The following MAP2 variants were observed in gnomAD, a reference collection of about 807,000 sequenced individuals.
MAP2 encodes microtubule-associated protein 2.
Under a neutral mutation model 137.6 loss-of-function variants are expected in MAP2, and 14 were observed. The observed-to-expected ratio is 0.10, with a 90% CI of 0.07 to 0.16. The LOEUF is 0.16. Among genes scored for constraint, MAP2 ranks in the 10% least tolerant of loss-of-function variants. The probability of loss-of-function intolerance (pLI) is 1.00; values close to 1 mark genes in which losing one functional copy is unlikely to be tolerated. For synonymous variants in MAP2, 786 were observed against 782.3 expected, an observed-to-expected ratio of 1.00 and a Z score of -0.08; for missense variants, 2,088 against 2,191.5, an observed-to-expected ratio of 0.95 and a Z score of 0.94.
chr2:209,637,243 G>T (rs2093645224), intron 4 of MAP2, among the ~76,000 whole-genome samples: 1 of 152,082 alleles, frequency 6.6e-6, no homozygotes, highest in Non-Finnish European at 1.5e-5. Flanking sequence ...AGGAATTCAA[G>T]ACCACCCTAG....
rs142320012 is a variant in MAP2 at position 209,689,684 on chromosome 2, C to T, written c.455-2941C>T. 3.9e-3 allele frequency among the ~76,000 whole-genome samples: 590 copies of T among 152,054 alleles called. 7 individuals carry two copies. Among genetic ancestry groups the T allele is most frequent in the Non-Finnish European group, 4.9e-3 (330 of 67,970 alleles). Reference sequence around the variant, plus strand: ...TTTGATTGCCACTCAATTATCTTTCCTTGGTGATTTTGTTTTGAATTACAG... The same window carrying T: ...TTTGATTGCCACTCAATTATCTTTCTTTGGTGATTTTGTTTTGAATTACAG... On this transcript the variant is annotated intron_variant, in intron 7 of 15. Coordinates refer to ENST00000682079, the MANE Select transcript of MAP2 (RefSeq NM_001375505.1).
intron 5 of MAP2, among the ~76,000 whole-genome samples, chr2:209,670,697 A>G (rs1007050911): frequency 6.6e-6 from 1 of 151,916 alleles, no homozygotes; most frequent in Non-Finnish European, 1.5e-5. Context: ...GAGAGGGAGA[A>G]TTCTCCTATG....
chr2:209,453,494 A>G (rs1306756835), intron 1 of MAP2, among the ~76,000 whole-genome samples: 1 of 152,214 alleles, frequency 6.6e-6, no homozygotes. Context: ...TAACAATGCA[A>G]CATAACGACT....
intron 1 of MAP2, among the ~76,000 whole-genome samples, chr2:209,438,203 T>A (rs574562713): frequency 8.6e-5 from 13 of 151,750 alleles, no homozygotes; most frequent in African/African-American, 2.9e-4. Context: ...AGAAAAAAAT[T>A]CGTATTTTAT....
At position 209,424,171 on chromosome 2, in the gene MAP2, C is replaced by G. The variant is rs1691871942; in HGVS notation, c.-327C>G. 1 of 154,582 alleles carries G rather than the reference C, an allele frequency of 6.5e-6. No homozygotes were observed. Among genetic ancestry groups the G allele is most frequent in the African/African-American group, 2.4e-5 (1 of 41,608 alleles). The allele number at this position is 154,582 out of a possible 1,614,324, so 9.6% of individuals were successfully genotyped here. A position where few individuals can be genotyped will look rare whatever the true frequency, so the allele number is the denominator to read the frequency against. On this transcript the variant is annotated 5_prime_UTR_variant, in exon 1 of 16. Coordinates refer to ENST00000682079, the MANE Select transcript of MAP2 (RefSeq NM_001375505.1). ...CTTCTCCTTCTTTTTCCCCCCCCTC[C>G]CCTTCTTCCCCTAACCCTTCTACCC...
rs3036677 is a variant in MAP2 at position 209,679,322 on chromosome 2, CATAGATAGATAGATAGATAGATAG to C, written c.376+658_376+681del. On this transcript the variant is annotated intron_variant, in intron 6 of 15. Coordinates refer to ENST00000682079, the MANE Select transcript of MAP2 (RefSeq NM_001375505.1). Reference sequence around the variant, plus strand: ...CAGCCAAAGCCTTGCTGCCCCTACTCATAGATAGATAGATAGATAGATAGATAGATAGATAGATAGATAGGCAGA... The same window carrying C: ...CAGCCAAAGCCTTGCTGCCCCTACTCATAGATAGATAGATAGATAGGCAGA... Among the ~76,000 whole-genome samples the C allele has an allele frequency of 3.2e-4, 48 of 148,534 alleles. 1 individual carries two copies. The East Asian group carries it at 9.1e-3, about 28-fold the overall frequency.
intron 13 of MAP2, among the ~76,000 whole-genome samples, chr2:209,718,989 A>C (rs1167151534): frequency 6.6e-6 from 1 of 152,202 alleles, no homozygotes; most frequent in Non-Finnish European, 1.5e-5. Context: ...TATAGAGGCG[A>C]AATAGTTTTC....
intron 5 of MAP2, among the ~76,000 whole-genome samples, chr2:209,676,688 A>G (rs1368188643): frequency 7.0e-6 from 1 of 142,114 alleles, no homozygotes; most frequent in East Asian, 2.1e-4. Context: ...GCTAATAGAA[A>G]GATGCAGGAA....
chr2:209,484,281 G>A (rs187204545), intron 1 of MAP2, among the ~76,000 whole-genome samples: 97 of 152,194 alleles, frequency 6.4e-4, no homozygotes, highest in African/African-American at 2.3e-3. Flanking sequence ...GGTGGTCAGT[G>A]GTTTATATTT....
chr2:209,503,093 G>A (rs1006926656), intron 1 of MAP2, among the ~76,000 whole-genome samples: 2 of 148,332 alleles, frequency 1.3e-5, no homozygotes, highest in South Asian at 4.2e-4. Context: ...TCAATTTCCT[G>A]GGCTCAATCA....
At chr2:209,689,841 A>T (rs1028054811) in intron 7 of MAP2, among the ~76,000 whole-genome samples, 2 of 152,208 alleles carry the variant, frequency 1.3e-5, no homozygotes, top group African/African-American at 2.4e-5. Flanking sequence ...AGACTTTTGT[A>T]AACAGATTTA....
At position 209,695,319 on chromosome 2, in the gene MAP2, T is replaced by C; in HGVS notation, c.3149T>C (p.Ile1050Thr). ...FAVQGQLDVK[I>T]SDFGQMASGL... ...GTCCAGGGTCAACTAGATGTTAAAA[T>C]TAGTGACTTTGGACAGATGGCTTCA... The change falls in exon 8 of 16, where the codon ATT (isoleucine) becomes ACT (threonine). Residue 1050 changes from isoleucine (I) to threonine (T), a missense_variant. By Grantham distance (89) the Ile-to-Thr change is moderately conservative (BLOSUM62 -1). Coordinates refer to ENST00000682079, the MANE Select transcript of MAP2 (RefSeq NM_001375505.1). The C allele has an allele frequency of 2.5e-6, 4 of 1,613,992 alleles. No homozygotes were observed. The highest frequency in any genetic ancestry group is 3.4e-6 in the Non-Finnish European group (4 of 1,179,984).
At chr2:209,628,222 G>C (rs1033811522) in intron 4 of MAP2, among the ~76,000 whole-genome samples, 3 of 152,044 alleles carry the variant, frequency 2.0e-5, no homozygotes, top group Non-Finnish European at 4.4e-5. Flanking sequence ...AAAATTAGCC[G>C]GGCATGGTGG....
In MAP2 at chr2:209,694,117, T is replaced by G. The variant is rs2059618098; in HGVS notation, c.1947T>G (p.Pro649=). 1.2e-6 allele frequency: 2 copies of G among 1,613,838 alleles called. No individual in the cohort carries two copies. The highest frequency in any genetic ancestry group is 8.5e-7 in the Non-Finnish European group (1 of 1,179,982). The change falls in exon 8 of 16, where the codon CCT becomes CCG. Residue 649 remains proline, a synonymous_variant. Coordinates refer to ENST00000682079, the MANE Select transcript of MAP2 (RefSeq NM_001375505.1). Reference sequence around the variant, plus strand: ...CACAGAGTTATCCATCAGATTTACCTGAAGAACCCAGTTCTCCTCAAGAAA... The same window carrying G: ...CACAGAGTTATCCATCAGATTTACCGGAAGAACCCAGTTCTCCTCAAGAAA... The part of the protein sequence containing the change: ...TLAQSYPSDL[P]EEPSSPQERM...
In MAP2 at chr2:209,593,898, A is replaced by G. The variant is rs866946575; in HGVS notation, c.-107+13798A>G. 4.3e-3 allele frequency among the ~76,000 whole-genome samples: 70 copies of G among 16,208 alleles called. 1 individual carries two copies. The highest frequency in any genetic ancestry group is 0.029 in the Middle Eastern group (1 of 34). The allele number at this position is 16,208 out of a possible 152,430, so 10.6% of individuals were successfully genotyped here. A position where few individuals can be genotyped will look rare whatever the true frequency, so the allele number is the denominator to read the frequency against. On this transcript the variant is annotated intron_variant, in intron 3 of 15. Coordinates refer to ENST00000682079, the MANE Select transcript of MAP2 (RefSeq NM_001375505.1). ...ATAAAAATATATTTATATTATTAAA[A>G]TATATAAGTATATATTTATATTATT... is the stretch of plus-strand genomic sequence containing the variant.
chr2:209,428,970 T>G (rs1693405615), intron 1 of MAP2, among the ~76,000 whole-genome samples: 2 of 147,032 alleles, frequency 1.4e-5, no homozygotes, highest in South Asian at 4.3e-4. Flanking sequence ...TTTATTTATT[T>G]TGAGACGGAG....
chr2:209,630,530 C>T (rs1395825239), intron 4 of MAP2, among the ~76,000 whole-genome samples: 7 of 152,086 alleles, frequency 4.6e-5, no homozygotes, highest in Non-Finnish European at 1.0e-4. Flanking sequence ...GATCCTATAC[C>T]TATGGGTGGG....
intron 11 of MAP2, chr2:209,704,423 CT>C: frequency 1.3e-6 from 2 of 1,578,532 alleles, no homozygotes; most frequent in South Asian, 1.2e-5. Flanking sequence ...TTATTTTGTG[CT>C]TTTGTTTGTT....
intron 4 of MAP2, among the ~76,000 whole-genome samples, chr2:209,644,338 A>G (rs547741970): frequency 6.6e-6 from 1 of 152,078 alleles, no homozygotes. Flanking sequence ...ACTAGACCCT[A>G]TTCGTGTCCA....
Sources: allele counts gnomAD v4.1 joint callset (sites outside exome capture counted in the v4.1 genomes callset), GRCh38; gene constraint gnomAD v4.1.1; transcripts MANE v1.5; gene names NCBI Gene and HGNC (gene_info 2026-07-23, HGNC 2026-07-21).